Variants in CMC1 observed in about 807,000 individuals in gnomAD.
The protein encoded by CMC1 is C-X9-C motif containing 1, also known as COX assembly mitochondrial protein homolog.
In CMC1, 14 loss-of-function variants were observed where a neutral mutation model predicts 14.1. The observed-to-expected ratio is 0.99, with a 90% CI of 0.66 to 1.55. CMC1 has a LOEUF of 1.55. Ranked by LOEUF, CMC1 falls within the 40% of genes most tolerant of loss-of-function variation. CMC1 has a pLI of 0.00. For missense variants in CMC1, 127 were observed against 123.8 expected, an observed-to-expected ratio of 1.03 and a Z score of -0.12; for synonymous variants, 50 against 38.4, an observed-to-expected ratio of 1.30 and a Z score of -1.12.
intron 3 of CMC1, chr3:28,317,544 A>G (rs1427539362): frequency 2.0e-5 from 3 of 152,190 alleles, no homozygotes; most frequent in African/African-American, 4.8e-5. Context: ...TGTCTTATAC[A>G]TTGATTAAAT....
chr3:28,296,781 A>C (rs1182059656), intron 2 of CMC1, among the ~76,000 whole-genome samples: 1 of 152,094 alleles, frequency 6.6e-6, no homozygotes, highest in Non-Finnish European at 1.5e-5. Flanking sequence ...AACTTATTAG[A>C]AATACTTTAA....
At chr3:28,260,958 A>G (rs79023046) in intron 1 of CMC1, among the ~76,000 whole-genome samples, 1,598 of 152,250 alleles carry the variant, frequency 0.01, 24 homozygotes, top group African/African-American at 0.037. Flanking sequence ...CATAGTTTGT[A>G]GGGCTTGAAA....
In CMC1 at chr3:28,241,825, G is replaced by C; in HGVS notation, c.19+13G>C. The C allele has an allele frequency of 8.1e-7, 1 of 1,238,382 alleles. No individual in the cohort carries two copies. The highest frequency in any genetic ancestry group is 1.0e-6 in the Non-Finnish European group (1 of 988,066). 76.7% of individuals were successfully genotyped at this position (1,238,382 alleles called of 1,614,324 possible). ...CTCGACCCCGCAGGTACCGGGGCGGGAAGCGGGGTTTGCCGAGGGGCCTCG... is the reference window on the plus strand; with the variant it reads ...CTCGACCCCGCAGGTACCGGGGCGGCAAGCGGGGTTTGCCGAGGGGCCTCG... On this transcript the variant is annotated intron_variant, in intron 1 of 3. Transcript: ENST00000466830.
intron 3 of CMC1, 52 bp from the exon 4 acceptor site, chr3:28,319,457 T>G: frequency 6.7e-7 from 1 of 1,485,912 alleles, no homozygotes; most frequent in African/African-American, 1.4e-5. Context: ...AAGCTTACAT[T>G]TAACACATGC....
intron 1 of CMC1, among the ~76,000 whole-genome samples, chr3:28,243,761 A>G (rs1050054148): frequency 1.3e-4 from 20 of 151,588 alleles, no homozygotes; most frequent in Admixed American, 2.0e-4. Context: ...CCTGCTCCCA[A>G]TAAAGCTTAT....
At chr3:28,243,920 T>C (rs568578805) in intron 1 of CMC1, among the ~76,000 whole-genome samples, 8 of 152,286 alleles carry the variant, frequency 5.3e-5, no homozygotes, top group African/African-American at 1.7e-4. Flanking sequence ...GATTAGTCAG[T>C]GAAGAGCTTT....
At chr3:28,249,081 C>T (rs552520704) in intron 1 of CMC1, among the ~76,000 whole-genome samples, 2 of 152,278 alleles carry the variant, frequency 1.3e-5, no homozygotes, top group African/African-American at 2.4e-5. Flanking sequence ...TGAGCCACTG[C>T]GCCCAGCCTA....
intron 1 of CMC1, among the ~76,000 whole-genome samples, chr3:28,254,766 G>GA (rs547940484): frequency 6.6e-6 from 1 of 151,950 alleles, no homozygotes; most frequent in Admixed American, 6.5e-5. Flanking sequence ...TTATATATGT[G>GA]AAAAAAAGTA....
chr3:28,286,980 A>G (rs755705005), intron 2 of CMC1, among the ~76,000 whole-genome samples: 25 of 152,218 alleles, frequency 1.6e-4, no homozygotes, highest in Non-Finnish European at 2.8e-4. Context: ...CAGACAGTTT[A>G]ATGAAACATC....
intron 2 of CMC1, among the ~76,000 whole-genome samples, chr3:28,294,147 C>G (rs1701626134): frequency 6.6e-6 from 1 of 152,058 alleles, no homozygotes; most frequent in South Asian, 2.1e-4. Flanking sequence ...ATCTGTTCTA[C>G]TATAACTTCA....
chr3:28,258,897 A>G (rs964592177), intron 1 of CMC1, among the ~76,000 whole-genome samples: 8 of 152,108 alleles, frequency 5.3e-5, no homozygotes, highest in Admixed American at 5.2e-4. Flanking sequence ...TGCTGGGATT[A>G]CAGGCGTGAG....
At chr3:28,303,295 G>C (rs1004530063) in intron 2 of CMC1, among the ~76,000 whole-genome samples, 1 of 152,066 alleles carries the variant, frequency 6.6e-6, no homozygotes, top group Non-Finnish European at 1.5e-5. Flanking sequence ...CAAGAAAAAG[G>C]CCACCTGAAA....
intron 2 of CMC1, among the ~76,000 whole-genome samples, chr3:28,266,351 A>G (rs946581667): frequency 6.6e-6 from 1 of 152,182 alleles, no homozygotes; most frequent in African/African-American, 2.4e-5. Flanking sequence ...TAACTATGCC[A>G]TTTCAGTATA....
chr3:28,283,551 CAAAAAAAA>C (rs5847510), intron 2 of CMC1, among the ~76,000 whole-genome samples: 167 of 118,290 alleles, frequency 1.4e-3, no homozygotes, highest in Non-Finnish European at 2.3e-3. Context: ...ACAACAAAAA[CAAAAAAAA>C]AAAAAAAAGA....
At chr3:28,262,959 C>G (rs1378936448) in intron 1 of CMC1, among the ~76,000 whole-genome samples, 2 of 151,968 alleles carry the variant, frequency 1.3e-5, no homozygotes, top group Admixed American at 6.6e-5. Context: ...GGTGAAAATC[C>G]TCTTTTGTGG....
chr3:28,298,955 A>C (rs1381958867), intron 2 of CMC1, among the ~76,000 whole-genome samples: 1 of 152,080 alleles, frequency 6.6e-6, no homozygotes, highest in Non-Finnish European at 1.5e-5. Context: ...TACCTACCTT[A>C]CAAATATCTG....
chr3:28,318,425 C>T (rs1703041689), intron 3 of CMC1: 2 of 151,720 alleles, frequency 1.3e-5, no homozygotes, highest in Non-Finnish European at 2.9e-5. Flanking sequence ...CCCAAAATCT[C>T]TTTGTACTTC....
At chr3:28,257,674 A>G (rs1194728527) in intron 1 of CMC1, among the ~76,000 whole-genome samples, 1 of 152,096 alleles carries the variant, frequency 6.6e-6, no homozygotes, top group Non-Finnish European at 1.5e-5. Context: ...GCACGCCACC[A>G]TGCCCAGCTA....
chr3:28,324,267 T>C lies in CMC1; in HGVS notation c.*4638T>C. 2 of 1,609,340 alleles carry C rather than the reference T, an allele frequency of 1.2e-6. No individual in the cohort carries two copies. The highest frequency in any genetic ancestry group is 1.7e-6 in the Non-Finnish European group (2 of 1,176,786). On this transcript the variant is annotated 3_prime_UTR_variant, in exon 4 of 4. Coordinates refer to ENST00000466830, the MANE Select transcript of CMC1 (RefSeq NM_182523.2). ...GAATGGATCTCTCATTGTCTGTCCA[T>C]GATTGGAGGATTGCTTTCTCTGATA...
Sources: allele counts gnomAD v4.1 joint callset (sites outside exome capture counted in the v4.1 genomes callset), GRCh38; gene constraint gnomAD v4.1.1; transcripts MANE v1.5; gene names NCBI Gene and HGNC (gene_info 2026-07-23, HGNC 2026-07-21).